RCAN2: variants seen among roughly 807,000 people sequenced by gnomAD.
RCAN2 encodes calcipressin-2.
Under a neutral mutation model 23.6 loss-of-function variants are expected in RCAN2, and 9 were observed. The observed-to-expected ratio is 0.38, with a 90% CI of 0.23 to 0.67. RCAN2 has a LOEUF of 0.67. Ranked by LOEUF, RCAN2 falls within the 30% of genes least tolerant of loss-of-function variation. The pLI is 0.51. For synonymous variants in RCAN2, 109 were observed against 115.7 expected (o/e 0.94, Z 0.37); for missense variants, 273 against 302.3 (o/e 0.90, Z 0.72).
intron 2 of RCAN2, among the ~76,000 whole-genome samples, chr6:46,262,512 T>C (rs1461741103): frequency 6.6e-6 from 1 of 151,980 alleles, no homozygotes; most frequent in Non-Finnish European, 1.5e-5. Flanking sequence ...TCCTAGCACT[T>C]TGGGAGGCCA....
intron 1 of RCAN2, among the ~76,000 whole-genome samples, chr6:46,489,464 C>T (rs375128322): frequency 3.3e-5 from 5 of 152,132 alleles, no homozygotes; most frequent in Admixed American, 6.5e-5. Context: ...TGCTACAGAA[C>T]GTAAAATAGG....
At chr6:46,427,817 T>C (rs942504500) in intron 2 of RCAN2, among the ~76,000 whole-genome samples, 2 of 152,226 alleles carry the variant, frequency 1.3e-5, no homozygotes, top group Non-Finnish European at 2.9e-5. Context: ...ATGGCAGACA[T>C]TGTCTGTTGA....
At chr6:46,404,919 G>T (rs909325076) in intron 2 of RCAN2, among the ~76,000 whole-genome samples, 1 of 152,190 alleles carries the variant, frequency 6.6e-6, no homozygotes, top group Non-Finnish European at 1.5e-5. Flanking sequence ...TCTCATGAGT[G>T]TATTGTAAAG....
intron 2 of RCAN2, among the ~76,000 whole-genome samples, chr6:46,451,992 T>A (rs952920474): frequency 5.3e-5 from 8 of 152,340 alleles, no homozygotes; most frequent in African/African-American, 1.9e-4. Flanking sequence ...AATGTCCTTT[T>A]GTTTTGGCAT....
chr6:46,360,307 C>T lies in RCAN2; in HGVS notation c.225+96445G>A, dbSNP rs531851510. 8.6e-5 allele frequency among the ~76,000 whole-genome samples: 13 copies of T among 151,634 alleles called. No individual in the cohort carries two copies. In the South Asian group the frequency reaches 1.5e-3, roughly 17 times the overall value. On this transcript the variant is annotated intron_variant, in intron 2 of 4. Coordinates refer to ENST00000371374, the MANE Select transcript of RCAN2 (RefSeq NM_001251974.2). The stretch of plus-strand genomic sequence containing the variant: ...CAGCACTTTGGGAGGCCGAGGTGGG[C>T]GGATCATGAGGTCAGGAGGTGGAGA...
chr6:46,487,895 G>A (rs1452993291), intron 1 of RCAN2, among the ~76,000 whole-genome samples: 1 of 152,232 alleles, frequency 6.6e-6, no homozygotes, highest in Non-Finnish European at 1.5e-5. Context: ...TCTAGTAGCA[G>A]AGAATTTGAG....
chr6:46,227,189 C>G (rs1208276004), intron 4 of RCAN2, among the ~76,000 whole-genome samples: 1 of 152,090 alleles, frequency 6.6e-6, no homozygotes, highest in East Asian at 1.9e-4. Context: ...TTCGGTTTGC[C>G]ACTATTTAAT....
At chr6:46,404,274 T>C (rs867786644) in intron 2 of RCAN2, among the ~76,000 whole-genome samples, 2 of 152,114 alleles carry the variant, frequency 1.3e-5, no homozygotes, top group African/African-American at 4.8e-5. Context: ...TGTTTGATCA[T>C]AGACCATGCT....
intron 2 of RCAN2, among the ~76,000 whole-genome samples, chr6:46,289,012 T>G (rs1257072676): frequency 1.3e-5 from 2 of 152,244 alleles, no homozygotes; most frequent in Non-Finnish European, 2.9e-5. Flanking sequence ...ACTTGCCTAT[T>G]TAAAGCAGAA....
At position 46,367,127 on chromosome 6, in the gene RCAN2, T is replaced by TA. The variant is rs1319388147; in HGVS notation, c.225+89624dup. 2.7e-5 allele frequency among the ~76,000 whole-genome samples: 4 copies of TA among 145,478 alleles called. No individual in the cohort carries two copies. The South Asian group carries it at 8.8e-4, about 32-fold the overall frequency. On this transcript the variant is annotated intron_variant, in intron 2 of 4. Transcript: ENST00000371374. ...GAACATGCAAGGGGACTTCTGTTTA[T>TA]AACACAAGGGGGTGTCCCAGTTGGA...
intron 2 of RCAN2, among the ~76,000 whole-genome samples, chr6:46,368,538 A>T (rs2150387792): frequency 6.6e-6 from 1 of 152,334 alleles, no homozygotes; most frequent in South Asian, 2.1e-4. Flanking sequence ...GGTATAGCCT[A>T]CTACATATCT....
chr6:46,455,623 G>A (rs1418956558), intron 2 of RCAN2, among the ~76,000 whole-genome samples: 2 of 151,780 alleles, frequency 1.3e-5, no homozygotes, highest in African/African-American at 2.4e-5. Flanking sequence ...TTGGGAGGCC[G>A]AGGCAGGCAG....
chr6:46,319,019 T>C (rs1763530570), intron 2 of RCAN2, among the ~76,000 whole-genome samples: 1 of 152,196 alleles, frequency 6.6e-6, no homozygotes, highest in Non-Finnish European at 1.5e-5. Context: ...TAAAATTCTA[T>C]TTTTGAAATA....
chr6:46,318,254 T>C (rs1012112750), intron 2 of RCAN2, among the ~76,000 whole-genome samples: 4 of 152,212 alleles, frequency 2.6e-5, no homozygotes, highest in Admixed American at 1.3e-4. Flanking sequence ...CAAAGTATCC[T>C]ATTGTTGGAG....
At chr6:46,475,905 G>T (rs1291215967) in intron 1 of RCAN2, among the ~76,000 whole-genome samples, 1 of 152,172 alleles carries the variant, frequency 6.6e-6, no homozygotes, top group Non-Finnish European at 1.5e-5. Context: ...CCCAAAATGG[G>T]TCTTCTTTCT....
At chr6:46,293,562 A>G (rs1015483926) in intron 2 of RCAN2, among the ~76,000 whole-genome samples, 1 of 152,224 alleles carries the variant, frequency 6.6e-6, no homozygotes, top group African/African-American at 2.4e-5. Flanking sequence ...AAATTGGGAT[A>G]AACTTCCAAG....
intron 4 of RCAN2, among the ~76,000 whole-genome samples, chr6:46,243,217 T>C (rs1256969456): frequency 6.6e-6 from 1 of 152,088 alleles, no homozygotes; most frequent in South Asian, 2.1e-4. Context: ...TATTTTCAAC[T>C]CAATTGTTGG....
chr6:46,259,284 C>T (rs1764095354), intron 2 of RCAN2, among the ~76,000 whole-genome samples: 3 of 152,160 alleles, frequency 2.0e-5, no homozygotes, highest in Admixed American at 2.0e-4. Flanking sequence ...ATAACTTTTG[C>T]AAATTTTGCA....
chr6:46,352,876 C>T (rs1764705627), intron 2 of RCAN2, among the ~76,000 whole-genome samples: 1 of 152,182 alleles, frequency 6.6e-6, no homozygotes, highest in Admixed American at 6.5e-5. Flanking sequence ...CTGTAACCCA[C>T]ACGATGGGCA....
Sources: gnomAD v4.1 joint callset for allele counts (sites outside exome capture counted in the v4.1 genomes callset) on GRCh38, gnomAD v4.1.1 for gene constraint, MANE v1.5 for transcripts, NCBI Gene and HGNC (gene_info 2026-07-23, HGNC 2026-07-21) for gene names.